MATN2: variants seen among roughly 807,000 people sequenced by gnomAD.
The protein encoded by MATN2 is matrilin-2.
MATN2 carries 69 observed loss-of-function variants against 103.2 expected under a neutral mutation model. That is an observed-to-expected ratio of 0.67 (90% CI 0.55 to 0.82). The LOEUF is 0.82. MATN2 is among the 40% of genes least tolerant of loss of function. The probability of loss-of-function intolerance (pLI) is 0.00; values close to 1 mark genes in which losing one functional copy is unlikely to be tolerated. For missense variants in MATN2, 1,023 were observed against 1,211.5 expected (o/e 0.84, Z 2.31); for synonymous variants, 429 against 450.2 (o/e 0.95, Z 0.60).
chr8:97,928,374 G>A (rs1003494991), intron 2 of MATN2, among the ~76,000 whole-genome samples: 8 of 151,906 alleles, frequency 5.3e-5, no homozygotes, highest in African/African-American at 9.7e-5. Flanking sequence ...CTACAGGTGC[G>A]TGCCACCATG....
intron 5 of MATN2, among the ~76,000 whole-genome samples, chr8:97,966,318 G>A (rs1811478823): frequency 6.6e-6 from 1 of 152,050 alleles, no homozygotes; most frequent in African/African-American, 2.4e-5. Flanking sequence ...GACTTTGTGA[G>A]GCCAAGGTGG....
chr8:97,958,362 C>T (rs1405236066), intron 4 of MATN2, among the ~76,000 whole-genome samples: 1 of 152,166 alleles, frequency 6.6e-6, no homozygotes, highest in Non-Finnish European at 1.5e-5. Context: ...CATGCTGGAG[C>T]GTCACCTCCC....
At chr8:97,879,647 G>A (rs1052262140) in intron 1 of MATN2, among the ~76,000 whole-genome samples, 3 of 152,210 alleles carry the variant, frequency 2.0e-5, no homozygotes, top group South Asian at 2.1e-4. Context: ...CAGAGGACAC[G>A]TGGAAGCTGG....
intron 2 of MATN2, among the ~76,000 whole-genome samples, chr8:97,898,489 C>A (rs1023687296): frequency 1.3e-5 from 2 of 151,120 alleles, no homozygotes; most frequent in Non-Finnish European, 2.9e-5. Flanking sequence ...CCCAGCTACT[C>A]GGGAGGCCGA....
At chr8:97,998,316 C>T (rs1342980581) in intron 7 of MATN2, among the ~76,000 whole-genome samples, 5 of 150,188 alleles carry the variant, frequency 3.3e-5, no homozygotes, top group Admixed American at 6.6e-5. Flanking sequence ...GTCAGGAGAT[C>T]GAGACCATCC....
intron 4 of MATN2, among the ~76,000 whole-genome samples, chr8:97,948,280 A>C (rs868807568): frequency 2.0e-5 from 3 of 152,356 alleles, no homozygotes; most frequent in Middle Eastern, 6.8e-3. Flanking sequence ...GTGTATGTCC[A>C]TGAATGGCTG....
At chr8:97,945,717 A>ATATATATAT (rs1554605715) in intron 4 of MATN2, among the ~76,000 whole-genome samples, 56 of 121,806 alleles carry the variant, frequency 4.6e-4, no homozygotes, top group East Asian at 1.6e-3. Context: ...AAAAAAAAAA[A>ATATATATAT]ATATATATAT....
chr8:97,890,420 G>A (rs1011504085), intron 2 of MATN2, among the ~76,000 whole-genome samples: 51 of 150,626 alleles, frequency 3.4e-4, no homozygotes, highest in South Asian at 1.3e-3. Context: ...AGCTAAGATC[G>A]TGCCACTGCA....
intron 2 of MATN2, among the ~76,000 whole-genome samples, chr8:97,916,113 A>G (rs529877798): frequency 6.6e-6 from 1 of 150,870 alleles, no homozygotes; most frequent in East Asian, 1.9e-4. Context: ...TCAGTTACCC[A>G]GGCTGGAGTG....
intron 6 of MATN2, among the ~76,000 whole-genome samples, chr8:97,984,709 C>G (rs986484314): frequency 6.6e-6 from 1 of 152,166 alleles, no homozygotes; most frequent in African/African-American, 2.4e-5. Flanking sequence ...AAGAGTAATA[C>G]CAATAACCTT....
chr8:98,003,953 T>A, intron 8 of MATN2, 170 bp downstream of exon 8: 1 of 755,466 alleles, frequency 1.3e-6, no homozygotes. Context: ...TGACTATTAA[T>A]GCTATCGGCC....
At chr8:97,992,149 G>A (rs1272681131) in intron 6 of MATN2, among the ~76,000 whole-genome samples, 1 of 152,086 alleles carries the variant, frequency 6.6e-6, no homozygotes, top group Non-Finnish European at 1.5e-5. Flanking sequence ...CTCCTCTTAG[G>A]AAACACGGAC....
intron 1 of MATN2, among the ~76,000 whole-genome samples, chr8:97,876,590 C>G (rs1818080053): frequency 6.6e-6 from 1 of 152,158 alleles, no homozygotes; most frequent in Non-Finnish European, 1.5e-5. Flanking sequence ...TCCCAAAGTG[C>G]TAGCATTACA....
At chr8:97,973,996 T>G (rs1353557706) in intron 5 of MATN2, among the ~76,000 whole-genome samples, 3 of 152,218 alleles carry the variant, frequency 2.0e-5, no homozygotes, top group Admixed American at 6.5e-5. Flanking sequence ...AATTTCCCAA[T>G]GTTTTACATT....
At position 97,923,765 on chromosome 8, in the gene MATN2, C is replaced by G. The variant is rs548467492; in HGVS notation, c.143-7188C>G. 6.2e-4 allele frequency among the ~76,000 whole-genome samples: 94 copies of G among 152,274 alleles called. No homozygotes were observed. The Middle Eastern group carries it at 0.01, about 17-fold the overall frequency. On this transcript the variant is annotated intron_variant, in intron 2 of 18. Coordinates refer to ENST00000254898, the MANE Select transcript of MATN2 (RefSeq NM_002380.5). ...AGAGACGGGGTTTCACCATATTGGC[C>G]AGGCTGATCTCAAACTCCTAACCTC...
intron 11 of MATN2, 130 bp from the exon 12 acceptor site, chr8:98,017,864 C>T: frequency 1.0e-6 from 1 of 958,016 alleles, no homozygotes; most frequent in Non-Finnish European, 1.6e-6. Flanking sequence ...TAACTTCCTG[C>T]CCCATGGACC....
intron 4 of MATN2, among the ~76,000 whole-genome samples, chr8:97,945,657 G>A (rs976695032): frequency 4.0e-5 from 6 of 148,358 alleles, no homozygotes; most frequent in African/African-American, 1.5e-4. Context: ...ATAGTGGGAG[G>A]GCCTCTTCAG....
At chr8:97,995,205 T>A (rs1267672940) in intron 7 of MATN2, among the ~76,000 whole-genome samples, 1 of 152,152 alleles carries the variant, frequency 6.6e-6, no homozygotes, top group African/African-American at 2.4e-5. Flanking sequence ...AGACAAACCA[T>A]TCCTGAGAGA....
At chr8:97,886,685 T>C (rs1027300389) in intron 1 of MATN2, among the ~76,000 whole-genome samples, 30 of 152,196 alleles carry the variant, frequency 2.0e-4, no homozygotes, top group African/African-American at 6.5e-4. Flanking sequence ...GGTCAATTTC[T>C]GGAAGCAATT....
Sources: gnomAD v4.1 joint callset for allele counts (sites outside exome capture counted in the v4.1 genomes callset) on GRCh38, gnomAD v4.1.1 for gene constraint, MANE v1.5 for transcripts, NCBI Gene and HGNC (gene_info 2026-07-23, HGNC 2026-07-21) for gene names.